Variants in IRAK3 observed in about 807,000 individuals in gnomAD.
IRAK3 encodes the protein interleukin-1 receptor-associated kinase 3.
IRAK3 carries 57 observed loss-of-function variants against 56.6 expected under a neutral mutation model. The ratio of observed to expected loss-of-function variants is 1.01; its 90% CI spans 0.81 to 1.26. The LOEUF (loss-of-function observed/expected upper bound fraction) is 1.26, where lower values mean the gene tolerates loss of function less well. IRAK3 is among the 50% of genes most tolerant of loss of function. The probability of loss-of-function intolerance (pLI) is 0.00; values close to 1 mark genes in which losing one functional copy is unlikely to be tolerated. For synonymous variants in IRAK3, 258 were observed against 255.7 expected, an observed-to-expected ratio of 1.01 and a Z score of -0.09; for missense variants, 703 against 719.0, an observed-to-expected ratio of 0.98 and a Z score of 0.25.
intron 8 of IRAK3, among the ~76,000 whole-genome samples, chr12:66,229,323 C>T (rs1305224528): frequency 6.6e-6 from 1 of 152,134 alleles, no homozygotes; most frequent in Non-Finnish European, 1.5e-5. Flanking sequence ...TACCCCCTGT[C>T]GGTGAATTTT....
At chr12:66,218,402 T>C (rs1324697803) in intron 6 of IRAK3, among the ~76,000 whole-genome samples, 1 of 152,180 alleles carries the variant, frequency 6.6e-6, no homozygotes, top group African/African-American at 2.4e-5. Flanking sequence ...TTCATACTTA[T>C]TTGAGTATAT....
At chr12:66,197,761 C>A (rs2052468875) in intron 1 of IRAK3, 1 of 985,400 alleles carries the variant, frequency 1.0e-6, no homozygotes, top group Admixed American at 6.1e-5. Context: ...AAAACCCCAG[C>A]TCATTTGGCA....
intron 2 of IRAK3, among the ~76,000 whole-genome samples, chr12:66,206,750 T>C (rs915152694): frequency 2.0e-5 from 3 of 152,272 alleles, no homozygotes; most frequent in Non-Finnish European, 4.4e-5. Flanking sequence ...AATTGTTCTA[T>C]CTTTTTCTAT....
At chr12:66,236,379 T>G in intron 8 of IRAK3, among the ~76,000 whole-genome samples, 1 of 113,418 alleles carries the variant, frequency 8.8e-6, no homozygotes, top group African/African-American at 3.6e-5. Context: ...TGAAACCCCA[T>G]CTCCACTAAA....
chr12:66,228,109 G>T, intron 7 of IRAK3, 143 bp from the exon 8 acceptor site: 1 of 765,190 alleles, frequency 1.3e-6, no homozygotes, highest in Non-Finnish European at 2.4e-6. Context: ...ATTAAAAATA[G>T]GTTTTGGAAA....
At chr12:66,224,605 C>T (rs1201891974) in intron 6 of IRAK3, among the ~76,000 whole-genome samples, 1 of 151,982 alleles carries the variant, frequency 6.6e-6, no homozygotes, top group East Asian at 1.9e-4. Context: ...CCTCCTTTCT[C>T]GAGGGAAGGG....
intron 1 of IRAK3, among the ~76,000 whole-genome samples, chr12:66,193,983 A>AGTG (rs1470893665): frequency 2.6e-5 from 4 of 152,182 alleles, no homozygotes; most frequent in Non-Finnish European, 4.4e-5. Context: ...GGTGAAGTGC[A>AGTG]GTGGCACAAT....
rs1366448019 is a variant in IRAK3, at chr12:66,211,445, G to A, written c.437-1G>A. 4 of 1,587,888 alleles carry A rather than the reference G, an allele frequency of 2.5e-6. No individual in the cohort carries two copies. Among genetic ancestry groups the A allele is most frequent in the East Asian group, 2.2e-5 (1 of 44,700 alleles). On this transcript the variant is annotated splice_acceptor_variant, in intron 4 of 11. Transcript: ENST00000261233. LOFTEE classifies it high-confidence loss of function. Reference sequence around the variant, plus strand: ...ATCTTCCCCCTACTTTCCTTCCTAAGGAATACTGCTTAAATCTTCCATCAG... The same window carrying A: ...ATCTTCCCCCTACTTTCCTTCCTAAAGAATACTGCTTAAATCTTCCATCAG...
At chr12:66,244,176 G>A (rs1340638914) in intron 8 of IRAK3, among the ~76,000 whole-genome samples, 1 of 152,210 alleles carries the variant, frequency 6.6e-6, no homozygotes, top group East Asian at 1.9e-4. Context: ...AAGGAAAGCT[G>A]TTTTGGTTAA....
chr12:66,227,929 C>T (rs2052804773), intron 7 of IRAK3, among the ~76,000 whole-genome samples: 2 of 152,124 alleles, frequency 1.3e-5, no homozygotes, highest in African/African-American at 4.8e-5. Context: ...CTCAATTACT[C>T]ATACTGTTGT....
At chr12:66,219,210 G>A (rs999088769) in intron 6 of IRAK3, among the ~76,000 whole-genome samples, 5 of 152,050 alleles carry the variant, frequency 3.3e-5, no homozygotes, top group East Asian at 1.9e-4. Flanking sequence ...TTTTACATAC[G>A]TACCCTGATA....
At chr12:66,214,205 G>A (rs1424601866) in intron 5 of IRAK3, among the ~76,000 whole-genome samples, 2 of 152,052 alleles carry the variant, frequency 1.3e-5, no homozygotes, top group Non-Finnish European at 2.9e-5. Context: ...GTTGGCAGAA[G>A]AATTGGGGGA....
At chr12:66,215,785 T>TGCACGTGCACGTGCGCGCGCGCGCGC (rs150339586) in intron 5 of IRAK3, among the ~76,000 whole-genome samples, 22 of 31,202 alleles carry the variant, frequency 7.1e-4, no homozygotes, top group African/African-American at 2.2e-3. Context: ...TAACCCAACA[T>TGCACGTGCACGTGCGCGCGCGCGCGC]GCACACACAC....
At chr12:66,205,310 C>T (rs1052751292) in intron 2 of IRAK3, among the ~76,000 whole-genome samples, 1 of 152,116 alleles carries the variant, frequency 6.6e-6, no homozygotes, top group Admixed American at 6.6e-5. Context: ...GCACATGCAA[C>T]ATTTATTTTT....
chr12:66,196,920 G>T (rs976280100), intron 1 of IRAK3: 1 of 1,534,680 alleles, frequency 6.5e-7, no homozygotes, highest in Non-Finnish European at 8.7e-7. Flanking sequence ...TCTTAATTTT[G>T]CAGGGGTTTT....
In IRAK3 at chr12:66,217,240, G is replaced by A. The variant is rs2052686172; in HGVS notation, c.653+5G>A. ...TGAGCTTGAAGTTTTACTACTGTGA[G>A]TATGTTTTCTCTGGAATTTCCTCCT... On this transcript the variant is annotated splice_donor_5th_base_variant and intron_variant, in intron 6 of 11. Coordinates refer to ENST00000261233, the MANE Select transcript of IRAK3 (RefSeq NM_007199.3). The A allele has an allele frequency of 6.3e-7, 1 of 1,598,588 alleles. No homozygotes were observed.
chr12:66,242,788 C>CG (rs2136951427), intron 8 of IRAK3, among the ~76,000 whole-genome samples: 1 of 152,292 alleles, frequency 6.6e-6, no homozygotes, highest in East Asian at 1.9e-4. Flanking sequence ...TAAAAGACCG[C>CG]GGGGTCTGGG....
chr12:66,244,546 C>T lies in IRAK3; in HGVS notation c.948C>T (p.His316=), dbSNP rs2136952736. The T allele has an allele frequency of 1.9e-6, 3 of 1,614,048 alleles. No individual in the cohort carries two copies. The highest frequency in any genetic ancestry group is 1.1e-5 in the South Asian group (1 of 91,066). Residue 316 remains histidine, a synonymous_variant, in exon 9 of 12, where the codon CAC becomes CAT. Transcript: ENST00000261233. The stretch of plus-strand genomic sequence containing the variant: ...AACTAACTGATTTTGCCATGGCACA[C>T]TTCCGGTCCCACCTAGAACATCAGA... The part of the protein sequence containing the change: ...QPKLTDFAMA[H]FRSHLEHQSC...
intron 8 of IRAK3, among the ~76,000 whole-genome samples, chr12:66,228,910 G>C (rs1474006319): frequency 1.3e-5 from 2 of 152,188 alleles, no homozygotes. Context: ...GGGATGTTCG[G>C]TAGGTTAGGT....
Sources: gnomAD v4.1 joint callset for allele counts (sites outside exome capture counted in the v4.1 genomes callset) on GRCh38, gnomAD v4.1.1 for gene constraint, MANE v1.5 for transcripts, NCBI Gene and HGNC (gene_info 2026-07-23, HGNC 2026-07-21) for gene names.